NHSL3: variants seen among roughly 807,000 people sequenced by gnomAD.
NHSL3 encodes the protein NHS like 3.
chr1:32,772,110 C>T, the NHSL3 span: 3 of 1,613,282 alleles, frequency 1.9e-6, no homozygotes, highest in Non-Finnish European at 1.7e-6. Context: ...TCTCCAAGGG[C>T]TCTAGGAAGC....
the NHSL3 span, chr1:32,770,193 G>A: frequency 6.2e-7 from 1 of 1,604,232 alleles, no homozygotes; most frequent in Non-Finnish European, 8.5e-7. This position sits in a 1 kb window ranked among gnomAD's most constrained non-coding sequence, Gnocchi z 8.3. Flanking sequence ...CAGAGCCCCT[G>A]AGCCCGGCCA....
chr1:32,744,675 A>G, the NHSL3 span, among the ~76,000 whole-genome samples: 1 of 152,132 alleles, frequency 6.6e-6, no homozygotes, highest in African/African-American at 2.4e-5. Context: ...CCCAGCTACT[A>G]GCAAGCCCCA....
chr1:32,763,872 C>G, the NHSL3 span, among the ~76,000 whole-genome samples: 1 of 152,026 alleles, frequency 6.6e-6, no homozygotes, highest in Non-Finnish European at 1.5e-5. Context: ...CCGCGCCTGG[C>G]TGATTTTATT....
At chr1:32,759,316 TC>T in the NHSL3 span, among the ~76,000 whole-genome samples, 1 of 152,164 alleles carries the variant, frequency 6.6e-6, no homozygotes, top group Non-Finnish European at 1.5e-5. Context: ...CTCTTTCTTC[TC>T]CTTACTCTGT....
the NHSL3 span, chr1:32,772,291 T>G: frequency 3.0e-5 from 27 of 902,358 alleles, no homozygotes; most frequent in Non-Finnish European, 4.2e-5. Flanking sequence ...CCCACCCGCC[T>G]CCCCCAGTTA....
the NHSL3 span, chr1:32,769,759 C>T: frequency 3.1e-6 from 5 of 1,613,868 alleles, no homozygotes; most frequent in East Asian, 2.2e-5. Context: ...TGTGCTGGGA[C>T]TCCCGCAGCA....
At chr1:32,752,992 G>C in the NHSL3 span, among the ~76,000 whole-genome samples, 2 of 117,784 alleles carry the variant, frequency 1.7e-5, no homozygotes, top group African/African-American at 6.5e-5. Context: ...TTTTTGAGAC[G>C]GAGTCTTGCT....
chr1:32,770,838 C>T, the NHSL3 span: 1 of 1,606,466 alleles, frequency 6.2e-7, no homozygotes, highest in South Asian at 1.1e-5. The surrounding 1 kb of genome is among the most constrained non-coding windows in gnomAD (Gnocchi z 8.3). Context: ...GTCCACCCAA[C>T]CCAGCCAACA....
At chr1:32,772,162 C>T in the NHSL3 span, 2 of 1,613,408 alleles carry the variant, frequency 1.2e-6, no homozygotes, top group Non-Finnish European at 1.7e-6. Context: ...CCAGGCTGAC[C>T]TCCAGCGGAA....
chr1:32,753,758 G>C, the NHSL3 span, among the ~76,000 whole-genome samples: 3 of 152,228 alleles, frequency 2.0e-5, no homozygotes, highest in African/African-American at 7.2e-5. Flanking sequence ...TCCTCAGAGC[G>C]GTAGCCTCTG....
chr1:32,767,798 G>A, the NHSL3 span: 20 of 1,610,638 alleles, frequency 1.2e-5, no homozygotes, highest in Admixed American at 1.0e-4. Flanking sequence ...CTCTGCCAAG[G>A]CTGAGAATGA....
At chr1:32,772,210 C>G in the NHSL3 span, 1 of 1,610,102 alleles carries the variant, frequency 6.2e-7, no homozygotes, top group Non-Finnish European at 8.5e-7. Context: ...AGAGCAGCGG[C>G]CACCCCAGGC....
the NHSL3 span, among the ~76,000 whole-genome samples, chr1:32,752,021 CT>C: frequency 6.6e-6 from 1 of 152,178 alleles, no homozygotes; most frequent in Non-Finnish European, 1.5e-5. Context: ...ACTAACTGTT[CT>C]TTTTATGGGC....
the NHSL3 span, chr1:32,770,529 C>T: frequency 9.7e-6 from 15 of 1,540,424 alleles, no homozygotes; most frequent in Middle Eastern, 1.8e-4. This position sits in a 1 kb window ranked among gnomAD's most constrained non-coding sequence, Gnocchi z 8.3. Flanking sequence ...CTAGCAATAG[C>T]GTGGTACCCC....
the NHSL3 span, among the ~76,000 whole-genome samples, chr1:32,748,366 C>A: frequency 1.3e-5 from 2 of 151,990 alleles, no homozygotes; most frequent in Non-Finnish European, 1.5e-5. Flanking sequence ...GAGGAAGGGG[C>A]CTAGATAGTT....
At chr1:32,756,473 C>CG in the NHSL3 span, among the ~76,000 whole-genome samples, 9 of 102,898 alleles carry the variant, frequency 8.7e-5, no homozygotes, top group African/African-American at 3.1e-4. Flanking sequence ...TGACGAGACC[C>CG]CCCCCCCCCG....
the NHSL3 span, among the ~76,000 whole-genome samples, chr1:32,762,747 G>T: frequency 1.3e-5 from 2 of 151,986 alleles, no homozygotes; most frequent in Non-Finnish European, 2.9e-5. Flanking sequence ...CCGCCACCGC[G>T]CCTTGCTAAT....
the NHSL3 span, among the ~76,000 whole-genome samples, chr1:32,746,860 T>C: frequency 6.6e-6 from 1 of 152,092 alleles, no homozygotes; most frequent in Non-Finnish European, 1.5e-5. Context: ...ACAAAACCAG[T>C]TTTGGGGAAA....
At chr1:32,768,749 T>C in the NHSL3 span, 1 of 1,613,956 alleles carries the variant, frequency 6.2e-7, no homozygotes, top group East Asian at 2.2e-5. Flanking sequence ...GCGCTCTCCA[T>C]CCGCTCGGAG....
Sources: gnomAD v4.1 joint callset for allele counts (sites outside exome capture counted in the v4.1 genomes callset) on GRCh38, gnomAD v4.1.1 for gene constraint, Gnocchi (gnomAD v3.1) non-coding constraint, MANE v1.5 for transcripts, NCBI Gene and HGNC (gene_info 2026-07-23, HGNC 2026-07-21) for gene names.